The following PHF24 variants were observed in gnomAD, a reference collection of about 807,000 sequenced individuals.
PHF24 encodes the protein Galpha inhibitory interacting protein.
In PHF24, 25 loss-of-function variants were observed where a neutral mutation model predicts 42.6. That is an observed-to-expected ratio of 0.59 (90% CI 0.43 to 0.82). The LOEUF (loss-of-function observed/expected upper bound fraction) is 0.82, where lower values mean the gene tolerates loss of function less well. Ranked by LOEUF, PHF24 falls within the 40% of genes least tolerant of loss-of-function variation. PHF24 has a pLI of 0.00. For missense variants in PHF24, 470 were observed against 538.1 expected, an observed-to-expected ratio of 0.87 and a Z score of 1.25; for synonymous variants, 185 against 204.8, an observed-to-expected ratio of 0.90 and a Z score of 0.83.
chr9:34,774,133 A>T, the PHF24 span, among the ~76,000 whole-genome samples: 1 of 152,330 alleles, frequency 6.6e-6, no homozygotes, highest in Non-Finnish European at 1.5e-5. Context: ...AGAGCTAAAT[A>T]AGACTCTTGG....
the PHF24 span, among the ~76,000 whole-genome samples, chr9:34,893,498 G>A: frequency 1.3e-5 from 2 of 152,060 alleles, no homozygotes; most frequent in African/African-American, 4.8e-5. Context: ...CTACTTGGGA[G>A]GCAGAGGTAG....
chr9:34,865,682 G>A, the PHF24 span, among the ~76,000 whole-genome samples: 85 of 152,152 alleles, frequency 5.6e-4, no homozygotes, highest in Non-Finnish European at 1.0e-3. Context: ...GCTTAACTGG[G>A]TCCTCTGCTT....
chr9:34,816,131 T>C, the PHF24 span, among the ~76,000 whole-genome samples: 2 of 152,082 alleles, frequency 1.3e-5, no homozygotes, highest in African/African-American at 4.8e-5. Context: ...AGTTTTAGGG[T>C]AAACTTTTGC....
the PHF24 span, among the ~76,000 whole-genome samples, chr9:34,677,906 C>T: frequency 6.6e-6 from 1 of 152,134 alleles, no homozygotes. Flanking sequence ...GGCTTCTTCT[C>T]TTTTAGGTGT....
chr9:34,718,311 C>G, the PHF24 span, among the ~76,000 whole-genome samples: 1 of 152,208 alleles, frequency 6.6e-6, no homozygotes, highest in Non-Finnish European at 1.5e-5. Context: ...CTGAATCTCA[C>G]TGGCCCCTTC....
exon 6 of PHF24, chr9:34,977,149 G>A: frequency 1.9e-6 from 3 of 1,613,774 alleles, no homozygotes; most frequent in Non-Finnish European, 2.5e-6. Context: ...CCTGGCTCGG[G>A]GCAGTGGGAG....
At chr9:34,723,237 T>G in the PHF24 span, 30 of 1,551,134 alleles carry the variant, frequency 1.9e-5, no homozygotes, top group South Asian at 1.8e-4. Context: ...AGGAGCTAGG[T>G]TGGGTGCCCT....
At chr9:34,943,497 G>T in the PHF24 span, among the ~76,000 whole-genome samples, 5 of 152,136 alleles carry the variant, frequency 3.3e-5, no homozygotes, top group Admixed American at 1.3e-4. Flanking sequence ...TGTAGACCTC[G>T]TATTCTATTA....
chr9:34,673,942 G>C, the PHF24 span, among the ~76,000 whole-genome samples: 1 of 152,092 alleles, frequency 6.6e-6, no homozygotes, highest in African/African-American at 2.4e-5. Context: ...TTTTTGTAGA[G>C]ACAGAATTTC....
the PHF24 span, among the ~76,000 whole-genome samples, chr9:34,879,756 AC>A: frequency 6.6e-6 from 1 of 152,230 alleles, no homozygotes; most frequent in Non-Finnish European, 1.5e-5. Context: ...GGAGAATGGA[AC>A]CAAGTTGGAA....
the PHF24 span, among the ~76,000 whole-genome samples, chr9:34,799,303 T>G: frequency 6.6e-6 from 1 of 152,154 alleles, no homozygotes; most frequent in East Asian, 1.9e-4. Context: ...CATATAACAT[T>G]GGGCGAGAAT....
the PHF24 span, among the ~76,000 whole-genome samples, chr9:34,949,936 A>T: frequency 6.6e-6 from 1 of 151,870 alleles, no homozygotes; most frequent in Non-Finnish European, 1.5e-5. Context: ...TGATAGGTGC[A>T]GCAAACCTTC....
At chr9:34,667,786 C>A in the PHF24 span, among the ~76,000 whole-genome samples, 1 of 152,188 alleles carries the variant, frequency 6.6e-6, no homozygotes, top group East Asian at 1.9e-4. Context: ...TGTGGTGAAT[C>A]TGGAGTCAGA....
chr9:34,841,312 T>G, the PHF24 span, among the ~76,000 whole-genome samples: 1 of 152,044 alleles, frequency 6.6e-6, no homozygotes, highest in Non-Finnish European at 1.5e-5. Context: ...AATTCACACT[T>G]CTAAAAAATG....
chr9:34,802,877 C>T, the PHF24 span, among the ~76,000 whole-genome samples: 1 of 152,160 alleles, frequency 6.6e-6, no homozygotes, highest in Admixed American at 6.5e-5. Context: ...CTGACTTCAT[C>T]TAGAAATTCT....
chr9:34,803,668 T>C, the PHF24 span, among the ~76,000 whole-genome samples: 1 of 152,148 alleles, frequency 6.6e-6, no homozygotes, highest in African/African-American at 2.4e-5. Flanking sequence ...TTGACGAAAA[T>C]GTTTTATGAT....
chr9:34,864,507 A>C, the PHF24 span, among the ~76,000 whole-genome samples: 2 of 152,142 alleles, frequency 1.3e-5, no homozygotes, highest in Non-Finnish European at 2.9e-5. Context: ...AAAGTGCTGA[A>C]GGAAAAAAAA....
chr9:34,945,211 G>T, the PHF24 span, among the ~76,000 whole-genome samples: 1 of 152,228 alleles, frequency 6.6e-6, no homozygotes, highest in East Asian at 1.9e-4. Flanking sequence ...CCAAGAGGGA[G>T]TAATCTCTGG....
the PHF24 span, chr9:34,922,980 C>A: frequency 9.7e-7 from 1 of 1,030,814 alleles, no homozygotes; most frequent in African/African-American, 1.7e-5. Context: ...CCCAGTCTAC[C>A]TGGGGGGTGC....
Sources: allele counts gnomAD v4.1 joint callset (sites outside exome capture counted in the v4.1 genomes callset), GRCh38; gene constraint gnomAD v4.1.1; transcripts MANE v1.5; gene names NCBI Gene and HGNC (gene_info 2026-07-23, HGNC 2026-07-21).